The following PAPSS1 variants were observed in gnomAD, a reference collection of about 807,000 sequenced individuals.
The protein encoded by PAPSS1 is bifunctional 3'-phosphoadenosine 5'-phosphosulfate synthase 1.
In PAPSS1, 50 loss-of-function variants were observed where a neutral mutation model predicts 72.0. The observed-to-expected ratio is 0.69, with a 90% CI of 0.55 to 0.88. PAPSS1 has a LOEUF of 0.88. Ranked by LOEUF, PAPSS1 falls within the 40% of genes least tolerant of loss-of-function variation. The probability of loss-of-function intolerance (pLI) is 0.00; values close to 1 mark genes in which losing one functional copy is unlikely to be tolerated. For missense variants in PAPSS1, 657 were observed against 782.2 expected, an observed-to-expected ratio of 0.84 and a Z score of 1.91; for synonymous variants, 261 against 263.6, an observed-to-expected ratio of 0.99 and a Z score of 0.09.
At chr4:107,653,699 TA>T in intron 8 of PAPSS1, 73 bp from the exon 9 acceptor site, 1 of 1,282,822 alleles carries the variant, frequency 7.8e-7, no homozygotes, top group Non-Finnish European at 1.1e-6. Flanking sequence ...TCATATAAGC[TA>T]AATACAGTCG....
At chr4:107,679,771 C>T (rs555155853) in intron 5 of PAPSS1, among the ~76,000 whole-genome samples, 7 of 151,854 alleles carry the variant, frequency 4.6e-5, no homozygotes, top group African/African-American at 1.4e-4. Flanking sequence ...TTCCACCCCC[C>T]CAGATTCAAG....
intron 11 of PAPSS1, among the ~76,000 whole-genome samples, chr4:107,626,137 C>G (rs1013301969): frequency 3.4e-5 from 5 of 148,150 alleles, no homozygotes; most frequent in African/African-American, 7.5e-5. Context: ...GAGATAGCAC[C>G]ACTGCACTCC....
chr4:107,691,259 T>C (rs1013331997), intron 3 of PAPSS1, among the ~76,000 whole-genome samples: 8 of 152,186 alleles, frequency 5.3e-5, no homozygotes, highest in African/African-American at 1.4e-4. Context: ...ATTCCATTTA[T>C]TGAATAGTTA....
chr4:107,704,366 C>T lies in PAPSS1; in HGVS notation c.61-3081G>A, dbSNP rs1227255053. Among the ~76,000 whole-genome samples, 4 of 152,276 alleles carry T rather than the reference C, an allele frequency of 2.6e-5. No individual in the cohort carries two copies. The East Asian group carries it at 7.7e-4, about 29-fold the overall frequency. On this transcript the variant is annotated intron_variant, in intron 1 of 11. Transcript: ENST00000265174. ...CTCGTCTAAGTGCTCTGTCTAGGAC[C>T]TCCAGTACTATGCTGAATAGAAGTG...
At chr4:107,698,326 C>G (rs2125935631) in intron 2 of PAPSS1, among the ~76,000 whole-genome samples, 1 of 152,276 alleles carries the variant, frequency 6.6e-6, no homozygotes, top group East Asian at 1.9e-4. Context: ...TATATGAAGG[C>G]TACAGAAGAT....
intron 10 of PAPSS1, among the ~76,000 whole-genome samples, chr4:107,632,447 C>T (rs1234945280): frequency 6.6e-6 from 1 of 151,166 alleles, no homozygotes; most frequent in Non-Finnish European, 1.5e-5. Context: ...CTTACATAAA[C>T]TAGTACTGAG....
chr4:107,718,133 G>A (rs1723683310), intron 1 of PAPSS1, among the ~76,000 whole-genome samples: 1 of 152,144 alleles, frequency 6.6e-6, no homozygotes, highest in Admixed American at 6.5e-5. Flanking sequence ...AATTTTAAAG[G>A]TATATGGGTT....
At chr4:107,656,636 G>A (rs1340239009) in intron 7 of PAPSS1, among the ~76,000 whole-genome samples, 1 of 152,152 alleles carries the variant, frequency 6.6e-6, no homozygotes, top group Non-Finnish European at 1.5e-5. Flanking sequence ...ATAACTGTAT[G>A]TGTTTTACAA....
intron 1 of PAPSS1, among the ~76,000 whole-genome samples, chr4:107,714,313 G>C (rs1045405326): frequency 6.6e-6 from 1 of 151,998 alleles, no homozygotes; most frequent in Admixed American, 6.6e-5. Context: ...ACTGTATTTG[G>C]AACTGAGCCC....
At chr4:107,697,327 C>T (rs956537537) in intron 2 of PAPSS1, among the ~76,000 whole-genome samples, 5 of 152,192 alleles carry the variant, frequency 3.3e-5, no homozygotes, top group African/African-American at 1.2e-4. Flanking sequence ...AGTTAAATGG[C>T]AATTGTTTTA....
At chr4:107,673,952 T>G (rs1727568430) in intron 5 of PAPSS1, among the ~76,000 whole-genome samples, 1 of 152,228 alleles carries the variant, frequency 6.6e-6, no homozygotes, top group Middle Eastern at 3.4e-3. Context: ...AAACTAAGCT[T>G]CATAAGTGAA....
intron 1 of PAPSS1, among the ~76,000 whole-genome samples, chr4:107,712,377 A>G (rs1723516417): frequency 6.6e-6 from 1 of 152,238 alleles, no homozygotes; most frequent in Non-Finnish European, 1.5e-5. Context: ...GTCTCCTAAC[A>G]CAAACACAGT....
At chr4:107,673,758 A>G (rs1371719141) in intron 5 of PAPSS1, among the ~76,000 whole-genome samples, 2 of 152,152 alleles carry the variant, frequency 1.3e-5, no homozygotes, top group Non-Finnish European at 2.9e-5. Context: ...GATTCACCAA[A>G]GTTGAAATGA....
intron 5 of PAPSS1, among the ~76,000 whole-genome samples, chr4:107,662,610 AAAG>A (rs1233564263): frequency 1.3e-5 from 2 of 152,168 alleles, no homozygotes. Flanking sequence ...GAAAAAAAAA[AAAG>A]GACTCTTCCT....
At chr4:107,653,409 C>G (rs1335700524) in intron 9 of PAPSS1, 82 bp downstream of exon 9, 7 of 1,362,412 alleles carry the variant, frequency 5.1e-6, no homozygotes, top group Non-Finnish European at 6.1e-6. Flanking sequence ...CATCGTTTTA[C>G]ATTTTCGTAA....
chr4:107,654,679 G>A lies in PAPSS1; in HGVS notation c.1101+16C>T, dbSNP rs779109217. 8.1e-6 allele frequency: 13 copies of A among 1,596,928 alleles called. No individual in the cohort carries two copies. The highest frequency in any genetic ancestry group is 7.7e-5 in the South Asian group (7 of 90,540). ...TTGGCAAATCAAGATAAAATGCAGC[G>A]AGGTTTTTTCAGCACCTTAATATAG... is the stretch of plus-strand genomic sequence containing the variant. On this transcript the variant is annotated intron_variant, in intron 8 of 11. Coordinates refer to ENST00000265174, the MANE Select transcript of PAPSS1 (RefSeq NM_005443.5).
chr4:107,664,138 T>C (rs753288950), intron 5 of PAPSS1, among the ~76,000 whole-genome samples: 1 of 152,176 alleles, frequency 6.6e-6, no homozygotes, highest in Non-Finnish European at 1.5e-5. Flanking sequence ...ATATGCAGTC[T>C]GGGAACAAAT....
chr4:107,707,925 C>T (rs989293630), intron 1 of PAPSS1, among the ~76,000 whole-genome samples: 1 of 152,106 alleles, frequency 6.6e-6, no homozygotes, highest in African/African-American at 2.4e-5. Context: ...GATCTCTTTT[C>T]CTACCTTCCC....
chr4:107,707,977 C>A (rs972195752), intron 1 of PAPSS1, among the ~76,000 whole-genome samples: 2 of 152,168 alleles, frequency 1.3e-5, no homozygotes, highest in Admixed American at 6.5e-5. Flanking sequence ...TCCCACACAT[C>A]TGAATCTTAT....
Sources: allele counts gnomAD v4.1 joint callset (sites outside exome capture counted in the v4.1 genomes callset), GRCh38; gene constraint gnomAD v4.1.1; transcripts MANE v1.5; gene names NCBI Gene and HGNC (gene_info 2026-07-23, HGNC 2026-07-21).